GRM5: variants seen among roughly 807,000 people sequenced by gnomAD.
The protein encoded by GRM5 is glutamate metabotropic receptor 5, also known as metabotropic glutamate receptor 5.
In GRM5, 19 loss-of-function variants were observed where a neutral mutation model predicts 83.1. The ratio of observed to expected loss-of-function variants is 0.23; its 90% CI spans 0.16 to 0.34. GRM5 has a LOEUF of 0.34. GRM5 is among the 10% of genes least tolerant of loss of function. GRM5 has a pLI of 1.00. For missense variants in GRM5, 1,160 were observed against 1,588.3 expected (o/e 0.73, Z 4.58); for synonymous variants, 675 against 633.6 (o/e 1.07, Z -0.98).
intron 2 of GRM5, among the ~76,000 whole-genome samples, chr11:88,934,838 T>A (rs1415079762): frequency 6.6e-6 from 1 of 151,832 alleles, no homozygotes; most frequent in Non-Finnish European, 1.5e-5. Context: ...GTTTTTCTTT[T>A]AAAAGGAGTT....
chr11:89,012,807 A>C (rs1940740884), intron 2 of GRM5, among the ~76,000 whole-genome samples: 1 of 152,226 alleles, frequency 6.6e-6, no homozygotes, highest in Non-Finnish European at 1.5e-5. Flanking sequence ...AGCAATGCTA[A>C]AGAACAATGT....
chr11:88,611,783 T>C (rs941439381), intron 4 of GRM5, among the ~76,000 whole-genome samples: 1 of 152,088 alleles, frequency 6.6e-6, no homozygotes, highest in African/African-American at 2.4e-5. Context: ...TTTGTTTTTC[T>C]AGTTCTTCTT....
At chr11:88,705,297 GAGT>G (rs1276467606) in intron 3 of GRM5, among the ~76,000 whole-genome samples, 1 of 152,028 alleles carries the variant, frequency 6.6e-6, no homozygotes, top group Non-Finnish European at 1.5e-5. Context: ...GACAAAGTGT[GAGT>G]ACTCAGGATT....
chr11:88,805,039 A>C (rs1030544242), intron 3 of GRM5, among the ~76,000 whole-genome samples: 2 of 152,168 alleles, frequency 1.3e-5, no homozygotes, highest in African/African-American at 4.8e-5. Flanking sequence ...TTTTGTACAG[A>C]CTATTTCCTG....
At chr11:88,941,638 A>C (rs1294515662) in intron 2 of GRM5, among the ~76,000 whole-genome samples, 2 of 151,818 alleles carry the variant, frequency 1.3e-5, no homozygotes, top group African/African-American at 4.8e-5. Context: ...AAAGAATGCC[A>C]ACTGTAAATG....
intron 2 of GRM5, among the ~76,000 whole-genome samples, chr11:88,941,023 C>T (rs1938071154): frequency 6.6e-6 from 1 of 151,856 alleles, no homozygotes; most frequent in African/African-American, 2.4e-5. Flanking sequence ...AATGAAACAA[C>T]CAAGAGGCAA....
chr11:88,609,584 G>A (rs894886508), intron 4 of GRM5, among the ~76,000 whole-genome samples: 1 of 152,116 alleles, frequency 6.6e-6, no homozygotes, highest in Non-Finnish European at 1.5e-5. Context: ...AAATGGGGTT[G>A]TTTTTTGCCT....
At chr11:88,860,106 A>T (rs1298411563) in intron 2 of GRM5, among the ~76,000 whole-genome samples, 5 of 152,166 alleles carry the variant, frequency 3.3e-5, no homozygotes, top group East Asian at 1.9e-4. Context: ...TTGGTGTTAA[A>T]TTTTTTGGAA....
At chr11:88,889,826 C>T (rs1945111322) in intron 2 of GRM5, among the ~76,000 whole-genome samples, 2 of 152,140 alleles carry the variant, frequency 1.3e-5, no homozygotes, top group Non-Finnish European at 2.9e-5. Context: ...GGAGGTGCCA[C>T]AGACCCCATT....
chr11:88,846,107 T>A (rs570400169), intron 3 of GRM5, among the ~76,000 whole-genome samples: 6 of 152,248 alleles, frequency 3.9e-5, no homozygotes, highest in Non-Finnish European at 5.9e-5. Context: ...GGCTTTGTAA[T>A]AATCATCGTA....
chr11:88,655,363 G>T (rs1322883780), intron 3 of GRM5, among the ~76,000 whole-genome samples: 1 of 152,004 alleles, frequency 6.6e-6, no homozygotes, highest in Admixed American at 6.6e-5. Context: ...AGCAGCATGG[G>T]CGTGTTGCAA....
chr11:88,651,762 A>T (rs1270843302), intron 4 of GRM5, among the ~76,000 whole-genome samples: 2 of 152,048 alleles, frequency 1.3e-5, no homozygotes, highest in Non-Finnish European at 2.9e-5. Flanking sequence ...TGGGTGTATT[A>T]TCCCACACTC....
At chr11:89,012,893 G>A (rs1940745392) in intron 2 of GRM5, among the ~76,000 whole-genome samples, 1 of 152,204 alleles carries the variant, frequency 6.6e-6, no homozygotes, top group Admixed American at 6.5e-5. Context: ...CTATAGCACA[G>A]AGAACTTGTT....
chr11:88,721,306 T>A (rs1941534022), intron 3 of GRM5, among the ~76,000 whole-genome samples: 1 of 152,042 alleles, frequency 6.6e-6, no homozygotes, highest in Admixed American at 6.6e-5. Context: ...TTGAGAAAGG[T>A]CCCGGGAAGA....
chr11:89,053,682 CAAA>C (rs56034890), intron 1 of GRM5, among the ~76,000 whole-genome samples: 58,855 of 148,170 alleles, frequency 0.4, 13,491 homozygotes, highest in South Asian at 0.56. Context: ...TGTTTAAAAG[CAAA>C]AAAAAAAAAA....
chr11:88,535,147 T>A (rs1384260470), intron 8 of GRM5, among the ~76,000 whole-genome samples: 3 of 152,200 alleles, frequency 2.0e-5, no homozygotes, highest in South Asian at 2.1e-4. Flanking sequence ...CTTATTTTTT[T>A]AAGATATTTG....
In GRM5 at chr11:88,972,270, C is replaced by A. The variant is rs559301532; in HGVS notation, c.661+74942G>T. ...CAACCCTGACATAAAACTTCTCCCC[C>A]ACACAGAAACATTTCAAGTCTGTAA... On this transcript the variant is annotated intron_variant, in intron 2 of 9. Coordinates refer to ENST00000305447, the MANE Select transcript of GRM5 (RefSeq NM_001143831.3). Among the ~76,000 whole-genome samples the A allele has an allele frequency of 9.9e-5, 15 of 152,194 alleles. No homozygotes were observed. The East Asian group carries it at 2.1e-3, about 22-fold the overall frequency.
At chr11:89,033,076 T>C (rs1356859578) in intron 2 of GRM5, among the ~76,000 whole-genome samples, 3 of 152,032 alleles carry the variant, frequency 2.0e-5, no homozygotes, top group South Asian at 2.1e-4. Flanking sequence ...TCTTGGCACA[T>C]AGTGAGTGTT....
intron 3 of GRM5, among the ~76,000 whole-genome samples, chr11:88,744,555 C>A (rs1942093080): frequency 6.6e-6 from 1 of 152,136 alleles, no homozygotes; most frequent in Non-Finnish European, 1.5e-5. Flanking sequence ...GCCTTTCACA[C>A]ACCCCACCTT....
Sources: allele counts gnomAD v4.1 joint callset (sites outside exome capture counted in the v4.1 genomes callset), GRCh38; gene constraint gnomAD v4.1.1; transcripts MANE v1.5; gene names NCBI Gene and HGNC (gene_info 2026-07-23, HGNC 2026-07-21).